SPRED1: variants seen among roughly 807,000 people sequenced by gnomAD.
The protein encoded by SPRED1 is sprouty-related, EVH1 domain-containing protein 1.
SPRED1 carries 18 observed loss-of-function variants against 52.3 expected under a neutral mutation model. The observed-to-expected ratio is 0.34, with a 90% CI of 0.24 to 0.51. The LOEUF (loss-of-function observed/expected upper bound fraction) is 0.51. SPRED1 is among the 20% of genes least tolerant of loss of function. SPRED1 has a pLI of 0.97. For synonymous variants in SPRED1, 155 were observed against 179.7 expected (o/e 0.86, Z 1.10); for missense variants, 485 against 551.0 (o/e 0.88, Z 1.20).
chr15:38,282,345 G>GCACACACACACA (rs1566854071), intron 1 of SPRED1, among the ~76,000 whole-genome samples: 2 of 16,892 alleles, frequency 1.2e-4, no homozygotes, highest in East Asian at 1.2e-3. Context: ...ACACACACAT[G>GCACACACACACA]CACACACACA....
At chr15:38,344,784 C>T (rs910164318) in intron 5 of SPRED1, among the ~76,000 whole-genome samples, 2 of 152,026 alleles carry the variant, frequency 1.3e-5, no homozygotes, top group African/African-American at 4.8e-5. Flanking sequence ...AACAATAATA[C>T]TCGTAAGTAA....
At chr15:38,257,159 AC>A (rs1193021255) in intron 1 of SPRED1, among the ~76,000 whole-genome samples, 8 of 151,822 alleles carry the variant, frequency 5.3e-5, no homozygotes, top group African/African-American at 1.9e-4. Flanking sequence ...CTCTTTCAAC[AC>A]TCTGTCCCTC....
chr15:38,257,512 G>C (rs1283687933), intron 1 of SPRED1, among the ~76,000 whole-genome samples: 1 of 151,886 alleles, frequency 6.6e-6, no homozygotes, highest in Non-Finnish European at 1.5e-5. Context: ...GACATGTTTT[G>C]TTTCTGCAAG....
intron 2 of SPRED1, among the ~76,000 whole-genome samples, chr15:38,302,946 A>C (rs926883166): frequency 6.6e-6 from 1 of 151,832 alleles, no homozygotes; most frequent in African/African-American, 2.4e-5. Context: ...GGCGGATCAC[A>C]AGGTCAGGAA....
At chr15:38,282,342 CAT>C (rs1366698921) in intron 1 of SPRED1, among the ~76,000 whole-genome samples, 14 of 16,304 alleles carry the variant, frequency 8.6e-4, no homozygotes, top group Non-Finnish European at 1.4e-3. Context: ...CACACACACA[CAT>C]GCACACACAC....
Position 38,310,924 on chromosome 15 carries a change from C to T in SPRED1, c.208-11317C>T, listed in dbSNP as rs548636448. Among the ~76,000 whole-genome samples, 74 of 152,206 alleles carry T rather than the reference C, an allele frequency of 4.9e-4. 1 individual carries two copies. In the South Asian group the frequency reaches 0.014, roughly 28 times the overall value. On this transcript the variant is annotated intron_variant, in intron 2 of 6. Coordinates refer to ENST00000299084, the MANE Select transcript of SPRED1 (RefSeq NM_152594.3). ...AGGAAGGGATTTATTTCTTCCTCTT[C>T]AATCTATATGTCTTTTCTTTTTCTT...
rs181716461 is a variant in SPRED1, at chr15:38,354,275, C to G, written c.*2611C>G. On this transcript the variant is annotated 3_prime_UTR_variant, in exon 7 of 7. Transcript: ENST00000299084. ...CATTTTCTCATTCTCTGTACAGATT[C>G]GGCACTGCCAATTGGCTTTTCCTCT... 1.3e-5 allele frequency: 2 copies of G among 152,134 alleles called. No homozygotes were observed. Among genetic ancestry groups the G allele is most frequent in the Admixed American group, 1.3e-4 (2 of 15,272 alleles). The allele number at this position is 152,134 out of a possible 1,614,324, so 9.4% of individuals were successfully genotyped here. A position where few individuals can be genotyped will look rare whatever the true frequency, so the allele number is the denominator to read the frequency against.
chr15:38,287,987 C>CTT (rs2140969861), intron 1 of SPRED1, among the ~76,000 whole-genome samples: 1 of 152,266 alleles, frequency 6.6e-6, no homozygotes, highest in South Asian at 2.1e-4. Flanking sequence ...CCTGGAAAGA[C>CTT]TTGAATCATG....
At chr15:38,253,725 C>T (rs1025380561) in intron 1 of SPRED1, among the ~76,000 whole-genome samples, 1 of 152,122 alleles carries the variant, frequency 6.6e-6, no homozygotes, top group African/African-American at 2.4e-5. Flanking sequence ...CCCTTTTAAA[C>T]TTATGACCTG....
chr15:38,285,996 C>A (rs1430063827), intron 1 of SPRED1, among the ~76,000 whole-genome samples: 1 of 152,076 alleles, frequency 6.6e-6, no homozygotes, highest in Non-Finnish European at 1.5e-5. Context: ...ATAATCCCAG[C>A]ACTTTGGGAG....
At chr15:38,261,715 T>C (rs1300162538) in intron 1 of SPRED1, among the ~76,000 whole-genome samples, 3 of 152,230 alleles carry the variant, frequency 2.0e-5, no homozygotes, top group African/African-American at 7.2e-5. Context: ...AAGGCCATTA[T>C]GAACTTGGAA....
At chr15:38,324,663 T>A in intron 3 of SPRED1, 100 bp from the exon 4 acceptor site, 1 of 924,230 alleles carries the variant, frequency 1.1e-6, no homozygotes, top group Non-Finnish European at 1.7e-6. Flanking sequence ...GATCTCTGAT[T>A]AGTCTTCTAA....
rs1888483954 is a variant in SPRED1 at position 38,351,354 on chromosome 15, T to A, written c.1025T>A (p.Phe342Tyr). 4 of 1,614,122 alleles carry A rather than the reference T, an allele frequency of 2.5e-6. No homozygotes were observed. Among genetic ancestry groups the A allele is most frequent in the Non-Finnish European group, 3.4e-6 (4 of 1,180,018 alleles). The change falls in exon 7 of 7, where the codon TTT (phenylalanine) becomes TAT (tyrosine). Residue 342 changes from phenylalanine (F) to tyrosine (Y), a missense_variant. Phe to Tyr is a conservative substitution (Grantham distance 22, BLOSUM62 3). This residue lies in a region of SPRED1 where 205 missense variants were observed against 245.2 expected (regional missense o/e 0.84). Transcript: ENST00000299084. ...CGCTGCGTATACTGCCAGGAAAGGT[T>A]TAATCATGAAGAAAATGTTAGGGGA... ...RSRCVYCQER[F>Y]NHEENVRGKC...
chr15:38,276,001 G>A (rs997937835), intron 1 of SPRED1, among the ~76,000 whole-genome samples: 3 of 151,966 alleles, frequency 2.0e-5, no homozygotes, highest in South Asian at 4.2e-4. Context: ...TTTGTCATTT[G>A]TCTTGCCGGA....
chr15:38,298,258 G>A (rs1471349630), intron 1 of SPRED1, among the ~76,000 whole-genome samples: 1 of 152,124 alleles, frequency 6.6e-6, no homozygotes, highest in Admixed American at 6.6e-5. Context: ...CATTATTGAT[G>A]GGAATGTGTA....
chr15:38,336,875 T>C (rs1358860734), intron 4 of SPRED1, among the ~76,000 whole-genome samples: 1 of 151,920 alleles, frequency 6.6e-6, no homozygotes, highest in Admixed American at 6.6e-5. Context: ...ATCTCAGAAA[T>C]CACCACTAAA....
At chr15:38,312,006 C>A (rs1034300477) in intron 2 of SPRED1, among the ~76,000 whole-genome samples, 11 of 151,976 alleles carry the variant, frequency 7.2e-5, no homozygotes, top group African/African-American at 2.7e-4. Flanking sequence ...TTTGTAAAGT[C>A]CAGACTTTTG....
At chr15:38,302,903 C>A (rs1895175941) in intron 2 of SPRED1, among the ~76,000 whole-genome samples, 1 of 152,136 alleles carries the variant, frequency 6.6e-6, no homozygotes, top group Admixed American at 6.6e-5. Context: ...GTGGCTCATA[C>A]CTGTAATCTC....
chr15:38,352,873 C>G lies in SPRED1; in HGVS notation c.*1209C>G, dbSNP rs1432532376. On this transcript the variant is annotated 3_prime_UTR_variant, in exon 7 of 7. Transcript: ENST00000299084. ...TGTTAAAATGTGTGCTAAACTATCC[C>G]AGGAAAGTATTTAATCCAACATTGT... The G allele has an allele frequency of 6.6e-6, 1 of 152,044 alleles. No homozygotes were observed. Among genetic ancestry groups the G allele is most frequent in the Non-Finnish European group, 1.5e-5 (1 of 67,928 alleles). The allele number at this position is 152,044 out of a possible 1,614,324, so 9.4% of individuals were successfully genotyped here. A position where few individuals can be genotyped will look rare whatever the true frequency, so the allele number is the denominator to read the frequency against.
Sources: gnomAD v4.1 joint callset for allele counts (sites outside exome capture counted in the v4.1 genomes callset) on GRCh38, gnomAD v4.1.1 for gene constraint, gnomAD v4.1.1 regional missense constraint, MANE v1.5 for transcripts, NCBI Gene and HGNC (gene_info 2026-07-23, HGNC 2026-07-21) for gene names.